Variants in WDR25 observed in about 807,000 individuals in gnomAD.
The protein encoded by WDR25 is WD repeat-containing protein 25.
A neutral mutation model predicts 47.7 loss-of-function variants in WDR25; 35 were observed. The observed-to-expected ratio is 0.73, with a 90% CI of 0.56 to 0.97. The LOEUF (loss-of-function observed/expected upper bound fraction) is 0.97, where lower values mean the gene tolerates loss of function less well. WDR25 is among the 50% of genes least tolerant of loss of function. The pLI, the probability that WDR25 is intolerant of heterozygous loss-of-function variation, is 0.00. For missense variants in WDR25, 634 were observed against 704.7 expected, an observed-to-expected ratio of 0.90 and a Z score of 1.14; for synonymous variants, 248 against 278.9, an observed-to-expected ratio of 0.89 and a Z score of 1.10.
At chr14:100,401,319 G>T (rs193093205) in intron 2 of WDR25, among the ~76,000 whole-genome samples, 1 of 152,220 alleles carries the variant, frequency 6.6e-6, no homozygotes, top group Non-Finnish European at 1.5e-5. Context: ...CCCTTGCACT[G>T]CCTCATTAGG....
intron 4 of WDR25, chr14:100,503,685 C>T (rs1189801670): frequency 6.6e-6 from 1 of 152,288 alleles, no homozygotes; most frequent in Non-Finnish European, 1.5e-5. Flanking sequence ...AACCTTGTCC[C>T]CAGCCCTGGC....
intron 2 of WDR25, among the ~76,000 whole-genome samples, chr14:100,434,007 C>T (rs1026906031): frequency 1.3e-5 from 2 of 151,078 alleles, no homozygotes; most frequent in African/African-American, 4.9e-5. Context: ...AGGGGGGTCA[C>T]GTGAGGCCGG....
chr14:100,394,385 G>A (rs987054043), intron 2 of WDR25, among the ~76,000 whole-genome samples: 6 of 152,182 alleles, frequency 3.9e-5, no homozygotes, highest in Non-Finnish European at 7.3e-5. Context: ...TGGACTTGCT[G>A]CTGTGTGGCC....
At chr14:100,422,751 C>T (rs1898063599) in intron 2 of WDR25, among the ~76,000 whole-genome samples, 2 of 152,196 alleles carry the variant, frequency 1.3e-5, no homozygotes, top group Admixed American at 1.3e-4. Context: ...TGATTTTTTG[C>T]CCCTCTGGTG....
chr14:100,450,821 C>T (rs532591297), intron 2 of WDR25, among the ~76,000 whole-genome samples: 1 of 152,208 alleles, frequency 6.6e-6, no homozygotes, highest in African/African-American at 2.4e-5. Context: ...TTACTGTGTG[C>T]AGATTAAGCA....
chr14:100,508,799 G>A (rs2140359615), intron 4 of WDR25, among the ~76,000 whole-genome samples: 1 of 152,124 alleles, frequency 6.6e-6, no homozygotes, highest in South Asian at 2.1e-4. Flanking sequence ...TTAGTTGTAT[G>A]AATTTTTTAA....
At chr14:100,387,479 C>T (rs1338536037) in intron 2 of WDR25, among the ~76,000 whole-genome samples, 1 of 152,214 alleles carries the variant, frequency 6.6e-6, no homozygotes, top group Non-Finnish European at 1.5e-5. Flanking sequence ...AGCTGGTTCC[C>T]TGTCCCCAAA....
chr14:100,484,477 T>C (rs11625843), intron 4 of WDR25, among the ~76,000 whole-genome samples: 8,787 of 151,986 alleles, frequency 0.058, 362 homozygotes, highest in Non-Finnish European at 0.088. Context: ...TGTGTGTGTG[T>C]GTGTGTGCGT....
chr14:100,445,739 T>TA (rs780205178), intron 2 of WDR25, among the ~76,000 whole-genome samples: 15 of 152,102 alleles, frequency 9.9e-5, no homozygotes, highest in Admixed American at 2.0e-4. Context: ...GACCTCCCTG[T>TA]AGGAGGAGGT....
chr14:100,398,993 A>T (rs1897318326), intron 2 of WDR25, among the ~76,000 whole-genome samples: 1 of 151,774 alleles, frequency 6.6e-6, no homozygotes, highest in East Asian at 2.0e-4. Context: ...CACCTTAATG[A>T]GGCTTAAAGA....
At chr14:100,380,142 G>A (rs1167231993) in intron 1 of WDR25, among the ~76,000 whole-genome samples, 1 of 151,104 alleles carries the variant, frequency 6.6e-6, no homozygotes, top group African/African-American at 2.4e-5. Context: ...CCACCTCCTG[G>A]GTTCAAGAGA....
At position 100,383,970 on chromosome 14, in the gene WDR25, G is replaced by T. The variant is rs534954981; in HGVS notation, c.822+2224G>T. On this transcript the variant is annotated intron_variant, in intron 2 of 6. Transcript: ENST00000402312. ...GGGCGATTCAGAGACCTGGGTCCGGGTCTGTGGGGCTGCCCTGGGTGGGGC... is the reference window on the plus strand; with the variant it reads ...GGGCGATTCAGAGACCTGGGTCCGGTTCTGTGGGGCTGCCCTGGGTGGGGC... Among the ~76,000 whole-genome samples, 22 of 152,348 alleles carry T rather than the reference G, an allele frequency of 1.4e-4. No individual in the cohort carries two copies. In the East Asian group the frequency reaches 4.1e-3, roughly 28 times the overall value.
intron 4 of WDR25, among the ~76,000 whole-genome samples, chr14:100,495,312 G>A (rs1008862570): frequency 6.6e-5 from 10 of 152,192 alleles, no homozygotes; most frequent in African/African-American, 2.4e-4. Context: ...AGCTGAGACC[G>A]TGTCATTGTA....
At chr14:100,460,954 G>T (rs1899392686) in intron 2 of WDR25, among the ~76,000 whole-genome samples, 1 of 152,202 alleles carries the variant, frequency 6.6e-6, no homozygotes, top group African/African-American at 2.4e-5. Context: ...AGTGGCTCAT[G>T]CTGTAATCCA....
At position 100,529,160 on chromosome 14, in the gene WDR25, T is replaced by A. The variant is rs1051644852; in HGVS notation, c.1365T>A (p.Thr455=). The part of the protein sequence containing the change: ...TNGNYLALFS[T]VWPYRMSRRR... ...GCAACTACCTGGCCCTTTTCTCCAC[T>A]GTGTGGCCCTACCGGATGAGCAGAC... Residue 455 remains threonine, a synonymous_variant, in exon 6 of 7, where the codon ACT becomes ACA. Coordinates refer to ENST00000402312, the MANE Select transcript of WDR25 (RefSeq NM_001161476.3). This position sits in a 1 kb window ranked among gnomAD's most constrained non-coding sequence, Gnocchi z 5.1. 6.2e-7 allele frequency: 1 copy of A among 1,610,154 alleles called. No individual in the cohort carries two copies. The highest frequency in any genetic ancestry group is 1.3e-5 in the African/African-American group (1 of 74,972).
intron 2 of WDR25, among the ~76,000 whole-genome samples, chr14:100,401,636 G>T (rs1897385217): frequency 6.6e-6 from 1 of 152,220 alleles, no homozygotes; most frequent in Non-Finnish European, 1.5e-5. Flanking sequence ...GAATTTGTTG[G>T]TTGACATTTT....
At chr14:100,390,009 T>A (rs1483324658) in intron 2 of WDR25, among the ~76,000 whole-genome samples, 1 of 152,208 alleles carries the variant, frequency 6.6e-6, no homozygotes, top group Admixed American at 6.5e-5. Flanking sequence ...CTTTCTGTTT[T>A]ATTTTTCTGG....
At chr14:100,429,471 A>T (rs1898265059) in intron 2 of WDR25, among the ~76,000 whole-genome samples, 1 of 152,202 alleles carries the variant, frequency 6.6e-6, no homozygotes, top group Non-Finnish European at 1.5e-5. Context: ...ATCTGCCCTG[A>T]GGCCTTTAAT....
Position 100,430,739 on chromosome 14 carries a change from A to G in WDR25, c.823-37282A>G, listed in dbSNP as rs1356916015. Among the ~76,000 whole-genome samples, 1 of 152,134 alleles carries G rather than the reference A, an allele frequency of 6.6e-6. No homozygotes were observed. The highest frequency in any genetic ancestry group is 1.5e-5 in the Non-Finnish European group (1 of 68,024). On this transcript the variant is annotated intron_variant, in intron 2 of 6. Coordinates refer to ENST00000402312, the MANE Select transcript of WDR25 (RefSeq NM_001161476.3). This position sits in a 1 kb window ranked among gnomAD's most constrained non-coding sequence, Gnocchi z 4.7. Reference sequence around the variant, plus strand: ...GGGAAGGGATGGTGGAGATGCAGGAAGCCCATGCTGACGTGCGGAGTGGGC... The same window carrying G: ...GGGAAGGGATGGTGGAGATGCAGGAGGCCCATGCTGACGTGCGGAGTGGGC...
Sources: allele counts gnomAD v4.1 joint callset (sites outside exome capture counted in the v4.1 genomes callset), GRCh38; gene constraint gnomAD v4.1.1; non-coding constraint Gnocchi (gnomAD v3.1); transcripts MANE v1.5; gene names NCBI Gene and HGNC (gene_info 2026-07-23, HGNC 2026-07-21).